SLC35F2: variants seen among roughly 807,000 people sequenced by gnomAD.
SLC35F2 encodes solute carrier family 35 member F2, also known as queuine/queuosine transporter SLC35F2.
SLC35F2 carries 25 observed loss-of-function variants against 38.1 expected under a neutral mutation model. The ratio of observed to expected loss-of-function variants is 0.66; its 90% CI spans 0.48 to 0.92. The LOEUF (loss-of-function observed/expected upper bound fraction) is 0.92, where lower values mean the gene tolerates loss of function less well. Among genes scored for constraint, SLC35F2 ranks in the 40% least tolerant of loss-of-function variants. The pLI is 0.00. For synonymous variants in SLC35F2, 173 were observed against 181.7 expected (o/e 0.95, Z 0.38); for missense variants, 409 against 452.9 (o/e 0.90, Z 0.88).
intron 7 of SLC35F2, among the ~76,000 whole-genome samples, chr11:107,795,905 G>A (rs537490799): frequency 8.5e-5 from 13 of 152,274 alleles, no homozygotes; most frequent in South Asian, 2.1e-4. Context: ...AGGCTGAGGC[G>A]GGTGGATCAC....
At chr11:107,849,500 T>A (rs7121733) in intron 1 of SLC35F2, among the ~76,000 whole-genome samples, 66,929 of 151,812 alleles carry the variant, frequency 0.44, 14,855 homozygotes, top group Admixed American at 0.54. Context: ...CTAGCCAGGC[T>A]TGGTGGCAGG....
chr11:107,838,627 C>CTTT (rs71047631), intron 1 of SLC35F2, among the ~76,000 whole-genome samples: 1 of 108,676 alleles, frequency 9.2e-6, no homozygotes, highest in Admixed American at 1.0e-4. Flanking sequence ...GCCCGGCCCT[C>CTTT]TTTTTTTTTT....
intron 1 of SLC35F2, among the ~76,000 whole-genome samples, chr11:107,841,568 AAAAAAAAAAAGTACACT>A (rs1220213319): frequency 6.6e-6 from 1 of 151,762 alleles, no homozygotes; most frequent in African/African-American, 2.4e-5. Flanking sequence ...CAAAAAAAAA[AAAAAAAAAAAGTACACT>A]AAAGCCAATA....
chr11:107,810,081 C>T, intron 3 of SLC35F2: 1 of 985,426 alleles, frequency 1.0e-6, no homozygotes, highest in Non-Finnish European at 1.2e-6. Context: ...GATTTCCATC[C>T]TTTTGGACTA....
Position 107,804,751 on chromosome 11 carries a change from C to A in SLC35F2, c.751G>T (p.Asp251Tyr). ...GIQLLIVEYK[D>Y]IASIHWDWKI... ...CAGTCCCAATGAATGCTGGCAATAT[C>A]CTTATATTCCACAATCAATCTAAGA... is the stretch of plus-strand genomic sequence containing the variant. The change falls in exon 6 of 8, where the codon GAT becomes TAT. Residue 251 changes from aspartate to tyrosine, a missense_variant. Physicochemically the swap from Asp to Tyr is radical, Grantham distance 160. Coordinates refer to ENST00000525815, the MANE Select transcript of SLC35F2 (RefSeq NM_017515.5). 6.2e-7 allele frequency: 1 copy of A among 1,607,104 alleles called. No individual in the cohort carries two copies.
At chr11:107,837,456 G>A (rs1207619590) in intron 1 of SLC35F2, among the ~76,000 whole-genome samples, 1 of 151,680 alleles carries the variant, frequency 6.6e-6, no homozygotes, top group Non-Finnish European at 1.5e-5. Flanking sequence ...GGGAGGCCGA[G>A]GCAGGTGGAT....
At chr11:107,809,406 G>A (rs974971668) in intron 3 of SLC35F2, among the ~76,000 whole-genome samples, 1 of 139,216 alleles carries the variant, frequency 7.2e-6, no homozygotes, top group African/African-American at 2.7e-5. Context: ...AGGCTGCAGT[G>A]AACCAAGATT....
rs114244571 is a variant in SLC35F2, at chr11:107,845,218, C to T, written c.110+13440G>A. 7.8e-3 allele frequency among the ~76,000 whole-genome samples: 1,189 copies of T among 152,282 alleles called. 12 individuals carry two copies. Among genetic ancestry groups the T allele is most frequent in the African/African-American group, 0.027 (1,136 of 41,546 alleles). On this transcript the variant is annotated intron_variant, in intron 1 of 7. Coordinates refer to ENST00000525815, the MANE Select transcript of SLC35F2 (RefSeq NM_017515.5). ...GATCTACTGCACCCATGCAGCACAA[C>T]ACCATCCTCCTTAGTAAGGCTGTGT...
At chr11:107,817,892 T>C (rs1744377512) in intron 1 of SLC35F2, among the ~76,000 whole-genome samples, 1 of 150,960 alleles carries the variant, frequency 6.6e-6, no homozygotes, top group African/African-American at 2.4e-5. Flanking sequence ...ACCCCATCTC[T>C]ACTAAAAATA....
chr11:107,831,135 C>G (rs1859834315), intron 1 of SLC35F2, among the ~76,000 whole-genome samples: 1 of 152,148 alleles, frequency 6.6e-6, no homozygotes, highest in East Asian at 1.9e-4. Flanking sequence ...CCGGAGAAAG[C>G]TGACCTTTCT....
intron 3 of SLC35F2, chr11:107,809,872 T>C: frequency 1.0e-6 from 1 of 985,268 alleles, no homozygotes; most frequent in Non-Finnish European, 1.2e-6. Context: ...GACTGCATTC[T>C]AGGAAGAACA....
At chr11:107,815,360 C>T (rs1387358246) in intron 2 of SLC35F2, among the ~76,000 whole-genome samples, 3 of 146,866 alleles carry the variant, frequency 2.0e-5, no homozygotes, top group Non-Finnish European at 3.0e-5. Context: ...GACCAGCCAG[C>T]GCAACATGGC....
intron 1 of SLC35F2, among the ~76,000 whole-genome samples, chr11:107,843,252 G>C (rs550976563): frequency 6.6e-6 from 1 of 152,186 alleles, no homozygotes; most frequent in South Asian, 2.1e-4. Context: ...ATGCGTTTAC[G>C]GGAACTTACT....
intron 1 of SLC35F2, among the ~76,000 whole-genome samples, chr11:107,850,857 G>A (rs1463989656): frequency 1.3e-5 from 2 of 151,910 alleles, no homozygotes; most frequent in East Asian, 3.9e-4. Flanking sequence ...TGTCAAGAAG[G>A]CTGAGGTTGA....
chr11:107,846,869 G>T (rs1481251765), intron 1 of SLC35F2, among the ~76,000 whole-genome samples: 1 of 150,068 alleles, frequency 6.7e-6, no homozygotes, highest in Non-Finnish European at 1.5e-5. Context: ...GGCGGAGGCT[G>T]CAGTGAGCCA....
At chr11:107,794,911 T>A (rs1859194080) in intron 7 of SLC35F2, among the ~76,000 whole-genome samples, 1 of 152,150 alleles carries the variant, frequency 6.6e-6, no homozygotes, top group Non-Finnish European at 1.5e-5. Flanking sequence ...ACACTAATAA[T>A]GAACTAGCTG....
At chr11:107,853,457 G>T (rs563667552) in intron 1 of SLC35F2, among the ~76,000 whole-genome samples, 1 of 152,172 alleles carries the variant, frequency 6.6e-6, no homozygotes, top group South Asian at 2.1e-4. Context: ...GGTGGCTCAC[G>T]CCTGTAATCC....
chr11:107,803,553 T>A lies in SLC35F2; in HGVS notation c.785-398A>T, dbSNP rs1174366988. The A allele has an allele frequency of 7.3e-6, 7 of 962,188 alleles. No homozygotes were observed. The South Asian group carries it at 2.4e-4, about 33-fold the overall frequency. 59.6% of individuals were successfully genotyped at this position (962,188 alleles called of 1,614,324 possible). ...ACTCATTATGTTTTCTTTGCTTTTG[T>A]TTGGTTGGACATGATTTGTATAATT... On this transcript the variant is annotated intron_variant, in intron 6 of 7. Coordinates refer to ENST00000525815, the MANE Select transcript of SLC35F2 (RefSeq NM_017515.5).
chr11:107,815,643 T>C (rs1428742054), intron 2 of SLC35F2, 147 bp downstream of exon 2: 1 of 836,748 alleles, frequency 1.2e-6, no homozygotes, highest in Non-Finnish European at 1.8e-6. Flanking sequence ...ACAAACAGTA[T>C]GGTGCTACTT....
Sources: allele counts gnomAD v4.1 joint callset (sites outside exome capture counted in the v4.1 genomes callset), GRCh38; gene constraint gnomAD v4.1.1; transcripts MANE v1.5; gene names NCBI Gene and HGNC (gene_info 2026-07-23, HGNC 2026-07-21).